STX10: variants seen among roughly 807,000 people sequenced by gnomAD.
STX10 encodes syntaxin 10, also known as syntaxin-10.
STX10 carries 35 observed loss-of-function variants against 34.1 expected under a neutral mutation model. That is an observed-to-expected ratio of 1.03 (90% CI 0.78 to 1.36). STX10 has a LOEUF of 1.36. Among genes scored for constraint, STX10 ranks in the 40% most tolerant of loss-of-function variants. The pLI, the probability that STX10 is intolerant of heterozygous loss-of-function variation, is 0.00. For synonymous variants in STX10, 155 were observed against 132.9 expected (o/e 1.17, Z -1.15); for missense variants, 361 against 335.5 (o/e 1.08, Z -0.59).
At chr19:13,149,150 G>C in intron 3 of STX10, 59 bp from the exon 4 acceptor site, 3 of 1,463,056 alleles carry the variant, frequency 2.1e-6, no homozygotes, top group South Asian at 2.4e-5. Context: ...GGTGGCTCAC[G>C]CCTGTAATCC....
Position 13,144,165 on chromosome 19 carries a change from A to T in STX10, c.*245T>A, listed in dbSNP as rs751181426. 17 of 558,724 alleles carry T rather than the reference A, an allele frequency of 3.0e-5. No individual in the cohort carries two copies. The highest frequency in any genetic ancestry group is 5.1e-5 in the Non-Finnish European group (16 of 315,562). The allele number at this position is 558,724 out of a possible 1,614,324, so 34.6% of individuals were successfully genotyped here. ...CTGGAAATGGAGACAGGTGTGTCTCAGGTGTCCCTGCCTCCACCACCCCCT... is the reference window on the plus strand; with the variant it reads ...CTGGAAATGGAGACAGGTGTGTCTCTGGTGTCCCTGCCTCCACCACCCCCT... On this transcript the variant is annotated 3_prime_UTR_variant, in exon 8 of 8. Coordinates refer to ENST00000587230, the MANE Select transcript of STX10 (RefSeq NM_003765.3).
intron 4 of STX10, among the ~76,000 whole-genome samples, chr19:13,146,790 C>T (rs1462871605): frequency 6.6e-6 from 1 of 152,102 alleles, no homozygotes; most frequent in East Asian, 1.9e-4. Context: ...ATCCACTTGC[C>T]TGGGCCTCCC....
Position 13,149,793 on chromosome 19 carries a change from G to A in STX10, c.140C>T (p.Thr47Ile). Residue 47 changes from threonine to isoleucine, a missense_variant, in exon 2 of 8, where the codon ACC (threonine) becomes ATC (isoleucine). Transcript: ENST00000587230. The stretch of plus-strand genomic sequence containing the variant: ...GCGCAGGCCATTCCGCAGCTCATTG[G>A]TCGTCCAGTCCAGCTCCTCGCGTCC... Reference protein sequence around the residue: ...AVGREELDWTTNELRNGLRSI... With the variant: ...AVGREELDWTINELRNGLRSI... 2 of 1,614,076 alleles carry A rather than the reference G, an allele frequency of 1.2e-6. No homozygotes were observed. Among genetic ancestry groups the A allele is most frequent in the East Asian group, 4.5e-5 (2 of 44,870 alleles).
chr19:13,144,502 T>C lies in STX10; in HGVS notation c.674-16A>G. The C allele has an allele frequency of 6.2e-7, 1 of 1,613,628 alleles. No individual in the cohort carries two copies. The highest frequency in any genetic ancestry group is 8.5e-7 in the Non-Finnish European group (1 of 1,179,882). On this transcript the variant is annotated splice_polypyrimidine_tract_variant and intron_variant, in intron 7 of 7. Transcript: ENST00000587230. ...TGTCGGCGGTCTGGGAACGAGAAGG[T>C]CAGGGGTCACGGGGAGAGGGTACCA... is the stretch of plus-strand genomic sequence containing the variant.
chr19:13,150,303 G>A lies in STX10; in HGVS notation c.-130C>T. 3.2e-6 allele frequency: 2 copies of A among 620,992 alleles called. No homozygotes were observed. The highest frequency in any genetic ancestry group is 5.8e-6 in the Non-Finnish European group (2 of 342,008). 38.5% of individuals were successfully genotyped at this position (620,992 alleles called of 1,614,324 possible). On this transcript the variant is annotated 5_prime_UTR_variant, in exon 1 of 8. Coordinates refer to ENST00000587230, the MANE Select transcript of STX10 (RefSeq NM_003765.3). This position sits in a 1 kb window ranked among gnomAD's most constrained non-coding sequence, Gnocchi z 4.0. ...CCACCATCGAGAGCCGGACCGCCAGGGGAGAAAGAGAAGCCTCGGAGGCCC... is the reference window on the plus strand; with the variant it reads ...CCACCATCGAGAGCCGGACCGCCAGAGGAGAAAGAGAAGCCTCGGAGGCCC...
rs1218712652 is a variant in STX10 at position 13,144,614 on chromosome 19, G to A, written c.636C>T (p.Val212=). 6.2e-7 allele frequency: 1 copy of A among 1,614,158 alleles called. No homozygotes were observed. The highest frequency in any genetic ancestry group is 1.7e-5 in the Admixed American group (1 of 60,022). The change falls in exon 7 of 8, where the codon GTC becomes GTT. Residue 212 remains valine, a synonymous_variant. Coordinates refer to ENST00000587230, the MANE Select transcript of STX10 (RefSeq NM_003765.3). ...MDHTQSRMDG[V]LRKLAKVSHM... ...GGGATACTTTGGCCAACTTCCTGAGGACCCCGTCCATGCGGGACTGGGTGT... is the reference window on the plus strand; with the variant it reads ...GGGATACTTTGGCCAACTTCCTGAGAACCCCGTCCATGCGGGACTGGGTGT...
At position 13,150,299 on chromosome 19, in the gene STX10, C is replaced by T. The variant is rs956914831; in HGVS notation, c.-126G>A. On this transcript the variant is annotated 5_prime_UTR_variant, in exon 1 of 8. Transcript: ENST00000587230. The surrounding 1 kb of genome is among the most constrained non-coding windows in gnomAD (Gnocchi z 4.0). The stretch of plus-strand genomic sequence containing the variant: ...CACGCCACCATCGAGAGCCGGACCG[C>T]CAGGGGAGAAAGAGAAGCCTCGGAG... 5 of 625,914 alleles carry T rather than the reference C, an allele frequency of 8.0e-6. No homozygotes were observed. The African/African-American group carries it at 9.5e-5, about 12-fold the overall frequency. The allele number at this position is 625,914 out of a possible 1,614,324, so 38.8% of individuals were successfully genotyped here.
intron 4 of STX10, 145 bp from the exon 5 acceptor site, chr19:13,145,540 G>A: frequency 1.6e-6 from 1 of 624,508 alleles, no homozygotes; most frequent in Non-Finnish European, 2.8e-6. Context: ...CTAGCAAGGT[G>A]ACCCAGAGAC....
rs1010651667 is a variant in STX10, at chr19:13,145,552, C to A, written c.364-157G>T. On this transcript the variant is annotated intron_variant, in intron 4 of 7. Coordinates refer to ENST00000587230, the MANE Select transcript of STX10 (RefSeq NM_003765.3). ...TTACTAGCAAGGTGACCCAGAGACC[C>A]CATCATTTGGCTTCCTTGTGCCTCA... The A allele has an allele frequency of 1.3e-5, 8 of 610,508 alleles. No individual in the cohort carries two copies. In the Middle Eastern group the frequency reaches 1.3e-3, roughly 96 times the overall value. The allele number at this position is 610,508 out of a possible 1,614,324, so 37.8% of individuals were successfully genotyped here. A position where few individuals can be genotyped will look rare whatever the true frequency, so the allele number is the denominator to read the frequency against.
rs2019852295 is a variant in STX10 at position 13,144,599 on chromosome 19, G to A, written c.651C>T (p.Ala217=). 6.2e-7 allele frequency: 1 copy of A among 1,614,024 alleles called. No individual in the cohort carries two copies. Among genetic ancestry groups the A allele is most frequent in the Admixed American group, 1.7e-5 (1 of 60,004 alleles). ...SRMDGVLRKL[A]KVSHMTSDRR... ...CACCACTCGTCATGTGGGATACTTT[G>A]GCCAACTTCCTGAGGACCCCGTCCA... The change falls in exon 7 of 8, where the codon GCC becomes GCT. Residue 217 remains alanine (A), a synonymous_variant. Coordinates refer to ENST00000587230, the MANE Select transcript of STX10 (RefSeq NM_003765.3).
rs2020031602 is a variant in STX10, at chr19:13,150,227, T to C, written c.-54A>G. The C allele has an allele frequency of 2.7e-6, 2 of 733,542 alleles. No homozygotes were observed. The highest frequency in any genetic ancestry group is 4.9e-6 in the Non-Finnish European group (2 of 408,666). The allele number at this position is 733,542 out of a possible 1,614,324, so 45.4% of individuals were successfully genotyped here. ...CCCCTCCCGGCCTGGGTTCGCGGGCTGGTTCCCTCCCAACCGAGGAGAACG... is the reference window on the plus strand; with the variant it reads ...CCCCTCCCGGCCTGGGTTCGCGGGCCGGTTCCCTCCCAACCGAGGAGAACG... On this transcript the variant is annotated 5_prime_UTR_variant, in exon 1 of 8. Transcript: ENST00000587230. The surrounding 1 kb of genome is among the most constrained non-coding windows in gnomAD (Gnocchi z 4.0).
chr19:13,147,335 C>T (rs1210380656), intron 4 of STX10, among the ~76,000 whole-genome samples: 2 of 151,758 alleles, frequency 1.3e-5, no homozygotes, highest in Admixed American at 1.3e-4. Flanking sequence ...CATGGTGGCA[C>T]ACTCCTGTTG....
Position 13,145,318 on chromosome 19 carries a change from G to A in STX10, c.441C>T (p.Arg147=). The change falls in exon 5 of 8, where the codon CGC becomes CGT. Residue 147 remains arginine, a synonymous_variant. Transcript: ENST00000587230. ...GTGTGGCCTGCTGCTCCTCGATGTA[G>A]CGAGATGTGGCCGAGACTGCGCTGG... ...LDASAVSATS[R]YIEEQQATQQ... is the part of the protein sequence containing the mutation. 1 of 1,611,734 alleles carries A rather than the reference G, an allele frequency of 6.2e-7. No homozygotes were observed. Among genetic ancestry groups the A allele is most frequent in the African/African-American group, 1.3e-5 (1 of 75,062 alleles).
At position 13,149,754 on chromosome 19, in the gene STX10, TC is replaced by T. The variant is rs771058990; in HGVS notation, c.178del (p.Asp60ThrfsTer11). ...LRNGLRSIEW[D>X]LEDLEETIGI... ...GATGGTCTCTTCCAGGTCCTCGAGG[TC>T]CCACTCGATGCTGCGCAGGCCATTC... is the stretch of plus-strand genomic sequence containing the variant. On this transcript the variant is annotated frameshift_variant, in exon 2 of 8. Transcript: ENST00000587230. LOFTEE classifies it high-confidence loss of function. 8.1e-6 allele frequency: 13 copies of T among 1,613,974 alleles called. No individual in the cohort carries two copies. In the East Asian group the frequency reaches 2.9e-4, roughly 36 times the overall value.
intron 4 of STX10, among the ~76,000 whole-genome samples, chr19:13,146,634 G>A (rs909191158): frequency 4.0e-5 from 6 of 151,864 alleles, no homozygotes; most frequent in Non-Finnish European, 8.8e-5. Context: ...TCCACCTCCC[G>A]GGTTCAAGCA....
intron 4 of STX10, among the ~76,000 whole-genome samples, chr19:13,148,484 C>T (rs575521916): frequency 8.1e-6 from 1 of 123,866 alleles, no homozygotes; most frequent in Non-Finnish European, 1.7e-5. Context: ...GCCTGGGCAA[C>T]AAGAGTGAAA....
At chr19:13,145,112 T>A (rs907748639) in intron 5 of STX10, among the ~76,000 whole-genome samples, 176 bp downstream of exon 5, 3 of 152,010 alleles carry the variant, frequency 2.0e-5, no homozygotes, top group African/African-American at 7.3e-5. Flanking sequence ...GGCAGGAGAA[T>A]CACTGGAACC....
In STX10 at chr19:13,144,818, T is replaced by C; in HGVS notation, c.524A>G (p.Gln175Arg). Residue 175 changes from glutamine (Q) to arginine (R), a missense_variant, in exon 6 of 8, where the codon CAG (glutamine) becomes CGG (arginine). Coordinates refer to ENST00000587230, the MANE Select transcript of STX10 (RefSeq NM_003765.3). ...GCGGCCGGACATGTGCTTCAGAACC[T>C]GGATGCTCCCAGACACCATCTCCAG... is the stretch of plus-strand genomic sequence containing the variant. ...QQLEMVSGSI[Q>R]VLKHMSGRVG... 1 of 1,614,066 alleles carries C rather than the reference T, an allele frequency of 6.2e-7. No homozygotes were observed. The highest frequency in any genetic ancestry group is 1.1e-5 in the South Asian group (1 of 91,068).
At position 13,150,265 on chromosome 19, in the gene STX10, C is replaced by T. The variant is rs762280014; in HGVS notation, c.-92G>A. The stretch of plus-strand genomic sequence containing the variant: ...ACCGAGGAGAACGCGCCGCCACCCC[C>T]GCCCCCGTCACGCCACCATCGAGAG... On this transcript the variant is annotated 5_prime_UTR_variant, in exon 1 of 8. Transcript: ENST00000587230. The surrounding 1 kb of genome is among the most constrained non-coding windows in gnomAD (Gnocchi z 4.0). 7.5e-6 allele frequency: 5 copies of T among 664,708 alleles called. No individual in the cohort carries two copies. The highest frequency in any genetic ancestry group is 6.5e-5 in the South Asian group (4 of 61,982). 41.2% of individuals were successfully genotyped at this position (664,708 alleles called of 1,614,324 possible). A position where few individuals can be genotyped will look rare whatever the true frequency, so the allele number is the denominator to read the frequency against.
Sources: allele counts gnomAD v4.1 joint callset (sites outside exome capture counted in the v4.1 genomes callset), GRCh38; gene constraint gnomAD v4.1.1; non-coding constraint Gnocchi (gnomAD v3.1); transcripts MANE v1.5; gene names NCBI Gene and HGNC (gene_info 2026-07-23, HGNC 2026-07-21).